The following AMBRA1 variants were observed in gnomAD, a reference collection of about 807,000 sequenced individuals.
AMBRA1 encodes activating molecule in BECN1-regulated autophagy protein 1.
AMBRA1 carries 47 observed loss-of-function variants against 125.4 expected under a neutral mutation model. The observed-to-expected ratio is 0.37, with a 90% CI of 0.30 to 0.48. The LOEUF (loss-of-function observed/expected upper bound fraction) is 0.48. AMBRA1 is among the 20% of genes least tolerant of loss of function. The pLI, the probability that AMBRA1 is intolerant of heterozygous loss-of-function variation, is 0.99. For missense variants in AMBRA1, 1,331 were observed against 1,693.4 expected (o/e 0.79, Z 3.76); for synonymous variants, 626 against 655.5 (o/e 0.95, Z 0.69).
intron 11 of AMBRA1, among the ~76,000 whole-genome samples, chr11:46,454,608 G>A (rs1300168077): frequency 3.3e-5 from 5 of 149,546 alleles, no homozygotes; most frequent in Admixed American, 1.3e-4. Context: ...AAAATTCTCC[G>A]GGCGAGGTGG....
chr11:46,496,361 G>A (rs900834208), intron 9 of AMBRA1, among the ~76,000 whole-genome samples: 5 of 152,070 alleles, frequency 3.3e-5, no homozygotes, highest in Non-Finnish European at 5.9e-5. Context: ...CAGCCTGGGC[G>A]ACAAGAGTAA....
intron 7 of AMBRA1, among the ~76,000 whole-genome samples, chr11:46,533,974 T>G (rs1199557701): frequency 6.6e-6 from 1 of 151,672 alleles, no homozygotes; most frequent in African/African-American, 2.4e-5. Context: ...CTTCCCCTAG[T>G]GTCGACGGGG....
chr11:46,590,154 C>T (rs1266217431), intron 1 of AMBRA1, among the ~76,000 whole-genome samples: 1 of 151,626 alleles, frequency 6.6e-6, no homozygotes, highest in African/African-American at 2.4e-5. Flanking sequence ...GGGCAGATCA[C>T]AAGGTCAGGA....
intron 7 of AMBRA1, among the ~76,000 whole-genome samples, chr11:46,528,225 T>A (rs1426564236): frequency 6.6e-6 from 1 of 152,204 alleles, no homozygotes; most frequent in Admixed American, 6.5e-5. Context: ...CAGGTTGGAG[T>A]GCAGTGGCAC....
intron 9 of AMBRA1, among the ~76,000 whole-genome samples, chr11:46,507,749 C>T (rs529449844): frequency 1.3e-5 from 2 of 152,042 alleles, no homozygotes; most frequent in Non-Finnish European, 2.9e-5. Flanking sequence ...ATAGAAAATC[C>T]GCCTCTTAGG....
chr11:46,491,212 C>A (rs1331022524), intron 11 of AMBRA1: 1 of 152,108 alleles, frequency 6.6e-6, no homozygotes, highest in African/African-American at 2.4e-5. Context: ...TTATAAAGTC[C>A]TAAGAAAAAG....
chr11:46,435,062 A>T, intron 12 of AMBRA1, 25 bp from the exon 13 acceptor site: 1 of 1,563,172 alleles, frequency 6.4e-7, no homozygotes, highest in Non-Finnish European at 8.7e-7. Context: ...GAAAGAAAAG[A>T]GGATAAGAAA....
At chr11:46,580,490 C>T (rs754196190) in intron 1 of AMBRA1, among the ~76,000 whole-genome samples, 1 of 152,172 alleles carries the variant, frequency 6.6e-6, no homozygotes, top group Non-Finnish European at 1.5e-5. Context: ...TCCAAATCTG[C>T]TCCTCCTCCA....
intron 9 of AMBRA1, among the ~76,000 whole-genome samples, chr11:46,504,025 T>C (rs1471454391): frequency 6.6e-6 from 1 of 152,218 alleles, no homozygotes. Context: ...AGAAGCTGAA[T>C]GTAATTATCC....
At chr11:46,443,068 C>T (rs975698908) in intron 12 of AMBRA1, among the ~76,000 whole-genome samples, 4 of 152,214 alleles carry the variant, frequency 2.6e-5, no homozygotes, top group Admixed American at 6.5e-5. Context: ...TGCACCCACC[C>T]TCAGCAGCAA....
intron 1 of AMBRA1, among the ~76,000 whole-genome samples, chr11:46,575,511 CCT>C (rs2043928809): frequency 7.2e-6 from 1 of 138,208 alleles, no homozygotes; most frequent in South Asian, 2.2e-4. Context: ...TTTTTTCTTT[CCT>C]TTTTTTTTTT....
At chr11:46,404,335 A>G (rs552064741) in intron 17 of AMBRA1, among the ~76,000 whole-genome samples, 1 of 152,280 alleles carries the variant, frequency 6.6e-6, no homozygotes, top group East Asian at 1.9e-4. Flanking sequence ...GGTTTTGTCA[A>G]TACAAAACCT....
chr11:46,579,047 A>T (rs2044077282), intron 1 of AMBRA1, among the ~76,000 whole-genome samples: 1 of 140,768 alleles, frequency 7.1e-6, no homozygotes, highest in African/African-American at 2.8e-5. Flanking sequence ...GAAAGCAATA[A>T]AAAAAAAAAA....
At chr11:46,440,342 A>G (rs974093278) in intron 12 of AMBRA1, among the ~76,000 whole-genome samples, 1 of 152,240 alleles carries the variant, frequency 6.6e-6, no homozygotes, top group Non-Finnish European at 1.5e-5. Context: ...TACATACAGC[A>G]TGCTACCATT....
At chr11:46,433,908 G>C (rs1947578956) in intron 13 of AMBRA1, among the ~76,000 whole-genome samples, 1 of 152,068 alleles carries the variant, frequency 6.6e-6, no homozygotes, top group Non-Finnish European at 1.5e-5. Flanking sequence ...CTGAGGTAGG[G>C]AGTTTGAGAC....
At chr11:46,585,091 C>A (rs2044319570) in intron 1 of AMBRA1, among the ~76,000 whole-genome samples, 1 of 151,956 alleles carries the variant, frequency 6.6e-6, no homozygotes, top group South Asian at 2.1e-4. Flanking sequence ...TGTGTCCACT[C>A]AGGGTTAAAT....
At chr11:46,479,691 C>T (rs1949978288) in intron 11 of AMBRA1, among the ~76,000 whole-genome samples, 2 of 152,074 alleles carry the variant, frequency 1.3e-5, no homozygotes, top group South Asian at 2.1e-4. Context: ...AGCGAGATTC[C>T]GTCACACACA....
At chr11:46,585,048 G>A (rs1565326403) in intron 1 of AMBRA1, among the ~76,000 whole-genome samples, 1 of 151,720 alleles carries the variant, frequency 6.6e-6, no homozygotes, top group South Asian at 2.1e-4. Flanking sequence ...CAGCCTGGGC[G>A]ACTGTGCTCT....
chr11:46,584,473 T>G (rs1003619282), intron 1 of AMBRA1, among the ~76,000 whole-genome samples: 5 of 150,072 alleles, frequency 3.3e-5, no homozygotes, highest in Admixed American at 6.6e-5. Flanking sequence ...TGCATACATA[T>G]GTAACTAACC....
Sources: gnomAD v4.1 joint callset for allele counts (sites outside exome capture counted in the v4.1 genomes callset) on GRCh38, gnomAD v4.1.1 for gene constraint, MANE v1.5 for transcripts, NCBI Gene and HGNC (gene_info 2026-07-23, HGNC 2026-07-21) for gene names.